The following PIK3R3 variants were observed in gnomAD, a reference collection of about 807,000 sequenced individuals.
PIK3R3 encodes phosphoinositide-3-kinase regulatory subunit 3, also known as phosphatidylinositol 3-kinase regulatory subunit gamma.
PIK3R3 carries 64 observed loss-of-function variants against 62.9 expected under a neutral mutation model. That is an observed-to-expected ratio of 1.02 (90% CI 0.83 to 1.25). The LOEUF is 1.25. Ranked by LOEUF, PIK3R3 falls within the 50% of genes most tolerant of loss-of-function variation. The pLI, the probability that PIK3R3 is intolerant of heterozygous loss-of-function variation, is 0.00. For missense variants in PIK3R3, 614 were observed against 561.6 expected, an observed-to-expected ratio of 1.09 and a Z score of -0.94; for synonymous variants, 165 against 189.0, an observed-to-expected ratio of 0.87 and a Z score of 1.04.
intron 3 of PIK3R3, among the ~76,000 whole-genome samples, chr1:46,071,002 C>T (rs1649428914): frequency 6.6e-6 from 1 of 152,184 alleles, no homozygotes; most frequent in South Asian, 2.1e-4. Flanking sequence ...CTACCTACTA[C>T]TCTCTGCAGT....
chr1:46,133,052 CT>C, upstream of PIK3R3: 3 of 1,019,930 alleles, frequency 2.9e-6, no homozygotes, highest in Non-Finnish European at 2.4e-6. Context: ...AGCCTGGAGC[CT>C]GCGTCTTTTG....
chr1:46,109,778 G>A (rs1046813868), intron 1 of PIK3R3, among the ~76,000 whole-genome samples: 2 of 152,038 alleles, frequency 1.3e-5, no homozygotes, highest in African/African-American at 4.8e-5. Context: ...TACCACGCCC[G>A]ACCAATCTCC....
At chr1:46,129,995 A>G (rs1273175508) in intron 1 of PIK3R3, among the ~76,000 whole-genome samples, 1 of 152,250 alleles carries the variant, frequency 6.6e-6, no homozygotes, top group Non-Finnish European at 1.5e-5. Context: ...ATACAACCTT[A>G]TAAGACCCAC....
chr1:46,138,697 G>A, the PIK3R3 span, among the ~76,000 whole-genome samples: 3 of 152,208 alleles, frequency 2.0e-5, no homozygotes, highest in Non-Finnish European at 4.4e-5. Context: ...ACTTCTGCAG[G>A]GGCATCATTC....
intron 1 of PIK3R3, among the ~76,000 whole-genome samples, chr1:46,102,239 C>G (rs1034894357): frequency 6.6e-6 from 1 of 152,108 alleles, no homozygotes; most frequent in Non-Finnish European, 1.5e-5. Context: ...CCCGCCTCGG[C>G]CTCCCAAAGT....
rs1571588494 is a variant in PIK3R3 at position 46,132,137 on chromosome 1, C to A, written c.-185G>T. 1.1e-5 allele frequency: 15 copies of A among 1,384,722 alleles called. No homozygotes were observed. In the East Asian group the frequency reaches 3.6e-4, roughly 33 times the overall value. The allele number at this position is 1,384,722 out of a possible 1,614,324, so 85.8% of individuals were successfully genotyped here. A position where few individuals can be genotyped will look rare whatever the true frequency, so the allele number is the denominator to read the frequency against. On this transcript the variant is annotated 5_prime_UTR_variant, in exon 1 of 10. Coordinates refer to ENST00000262741, the MANE Select transcript of PIK3R3 (RefSeq NM_003629.4). ...GGTCCTCCCCCTCTCTCCTACAGAACACAACAAAATGCCCCCGAACTTTCA... is the reference window on the plus strand; with the variant it reads ...GGTCCTCCCCCTCTCTCCTACAGAAAACAACAAAATGCCCCCGAACTTTCA...
chr1:46,128,781 A>G (rs1230515120), intron 1 of PIK3R3, among the ~76,000 whole-genome samples: 1 of 152,188 alleles, frequency 6.6e-6, no homozygotes, highest in African/African-American at 2.4e-5. Flanking sequence ...ATTTCATCTG[A>G]GAAGTGCTAC....
chr1:46,061,795 T>G, intron 6 of PIK3R3, 134 bp downstream of exon 6: 1 of 784,096 alleles, frequency 1.3e-6, no homozygotes, highest in Non-Finnish European at 2.2e-6. Flanking sequence ...TTGGTGCCAT[T>G]AGTGGAAACA....
chr1:46,147,862 A>G, the PIK3R3 span, among the ~76,000 whole-genome samples: 1 of 152,192 alleles, frequency 6.6e-6, no homozygotes, highest in Non-Finnish European at 1.5e-5. Flanking sequence ...AATTGCTAGG[A>G]GAAGCTTCAA....
intron 1 of PIK3R3, among the ~76,000 whole-genome samples, chr1:46,103,469 C>G (rs1159530691): frequency 6.6e-6 from 1 of 152,052 alleles, no homozygotes; most frequent in East Asian, 2.0e-4. Flanking sequence ...ACTCAGGAGG[C>G]TGAGGCACGA....
chr1:46,133,901 C>G (rs1361101534), upstream of PIK3R3, among the ~76,000 whole-genome samples: 3 of 152,156 alleles, frequency 2.0e-5, no homozygotes, highest in East Asian at 5.8e-4. Flanking sequence ...GGGCTCTATT[C>G]TGTTTCCCTG....
rs1467688909 is a variant in PIK3R3, at chr1:46,132,119, C to T, written c.-167G>A. ...GCCAAACTACCCGAACAGGGTCCTC[C>T]CCCTCTCTCCTACAGAACACAACAA... On this transcript the variant is annotated 5_prime_UTR_variant, in exon 1 of 10. Transcript: ENST00000262741. The T allele has an allele frequency of 7.1e-7, 1 of 1,410,312 alleles. No individual in the cohort carries two copies. The highest frequency in any genetic ancestry group is 9.2e-7 in the Non-Finnish European group (1 of 1,086,484). The allele number at this position is 1,410,312 out of a possible 1,614,324, so 87.4% of individuals were successfully genotyped here.
chr1:46,054,116 G>A (rs189964124), intron 7 of PIK3R3, among the ~76,000 whole-genome samples: 161 of 152,172 alleles, frequency 1.1e-3, no homozygotes, highest in African/African-American at 3.3e-3. Context: ...ACCTTAGGCT[G>A]GGTACAGTAG....
intron 1 of PIK3R3, among the ~76,000 whole-genome samples, chr1:46,113,297 A>ATT (rs35565437): frequency 4.7e-5 from 6 of 126,902 alleles, no homozygotes; most frequent in Non-Finnish European, 8.2e-5. Flanking sequence ...CTATCTCTCA[A>ATT]TTTTTTTTTT....
chr1:46,050,707 T>C (rs537817960), intron 7 of PIK3R3, among the ~76,000 whole-genome samples: 4 of 152,302 alleles, frequency 2.6e-5, no homozygotes, highest in East Asian at 3.9e-4. Context: ...CCTCAGCATA[T>C]ACCCATGAAA....
At chr1:46,111,379 C>G (rs1482156726) in intron 1 of PIK3R3, among the ~76,000 whole-genome samples, 1 of 151,956 alleles carries the variant, frequency 6.6e-6, no homozygotes, top group Non-Finnish European at 1.5e-5. Context: ...CCAAAACATG[C>G]CCCACCGCTG....
In PIK3R3 at chr1:46,055,887, A is replaced by T. The variant is rs785467; in HGVS notation, c.849T>A (p.Asn283Lys). The stretch of plus-strand genomic sequence containing the variant: ...CTATTTCTCGGTTGTCCAAAGCTTG[A>T]TTCTTCAAATCCTGCTCTAGACGCA... ...SKMRLEQDLK[N>K]QALDNREIDK... The change falls in exon 7 of 10, where the codon AAT (asparagine) becomes AAA (lysine). Residue 283 changes from asparagine (N) to lysine (K), a missense_variant. Physicochemically the swap from Asn to Lys is moderately conservative, Grantham distance 94 (BLOSUM62 0). Coordinates refer to ENST00000262741, the MANE Select transcript of PIK3R3 (RefSeq NM_003629.4). The T allele has an allele frequency of 0.7, 1,128,070 of 1,607,792 alleles. 397,227 individuals are homozygous for T. The highest frequency in any genetic ancestry group is 0.75 in the African/African-American group (55,736 of 74,512).
At chr1:46,154,010 T>G in the PIK3R3 span, among the ~76,000 whole-genome samples, 14 of 151,944 alleles carry the variant, frequency 9.2e-5, no homozygotes, top group East Asian at 2.7e-3. Context: ...AAAGTGAGAG[T>G]AAAGGGTAAG....
intron 3 of PIK3R3, among the ~76,000 whole-genome samples, chr1:46,077,136 T>A (rs1163723235): frequency 6.6e-6 from 1 of 152,224 alleles, no homozygotes; most frequent in Non-Finnish European, 1.5e-5. Flanking sequence ...ACCAAAATTA[T>A]GTTGAGTTCT....
Sources: allele counts gnomAD v4.1 joint callset (sites outside exome capture counted in the v4.1 genomes callset), GRCh38; gene constraint gnomAD v4.1.1; transcripts MANE v1.5; gene names NCBI Gene and HGNC (gene_info 2026-07-23, HGNC 2026-07-21).